PCDHGA7: variants seen among roughly 807,000 people sequenced by gnomAD.
The protein encoded by PCDHGA7 is protocadherin gamma subfamily A, 7.
Under a neutral mutation model 58.3 loss-of-function variants are expected in PCDHGA7, and 44 were observed. The ratio of observed to expected loss-of-function variants is 0.75; its 90% CI spans 0.59 to 0.97. The LOEUF (loss-of-function observed/expected upper bound fraction) is 0.97, where lower values mean the gene tolerates loss of function less well. Ranked by LOEUF, PCDHGA7 falls within the 50% of genes least tolerant of loss-of-function variation. The pLI, the probability that PCDHGA7 is intolerant of heterozygous loss-of-function variation, is 0.00. For synonymous variants in PCDHGA7, 516 were observed against 504.2 expected (o/e 1.02, Z -0.31); for missense variants, 1,266 against 1,188.7 (o/e 1.06, Z -0.96).
At position 141,432,299 on chromosome 5, in the gene PCDHGA7, C is replaced by G; in HGVS notation, c.2424+46976C>G. ...GTCCATCAACTCCGACACTGGGGTA[C>G]TGTATGCGCTGAGCTCCTTCGACTA... is the stretch of plus-strand genomic sequence containing the variant. On this transcript the variant is annotated intron_variant, in intron 1 of 3. Transcript: ENST00000518325. This position sits in a 1 kb window ranked among gnomAD's most constrained non-coding sequence, Gnocchi z 6.0. The G allele has an allele frequency of 2.5e-6, 4 of 1,614,278 alleles. No homozygotes were observed. The highest frequency in any genetic ancestry group is 3.4e-6 in the Non-Finnish European group (4 of 1,180,056).
chr5:141,498,976 G>A (rs1311505059), intron 2 of PCDHGA7, among the ~76,000 whole-genome samples: 1 of 13,010 alleles, frequency 7.7e-5, no homozygotes, highest in Non-Finnish European at 2.3e-4. Context: ...AGGGAGGGAA[G>A]GAAGGAAGGA....
intron 1 of PCDHGA7, chr5:141,414,939 C>T (rs773327918): frequency 2.5e-6 from 4 of 1,614,090 alleles, no homozygotes; most frequent in Admixed American, 1.7e-5. Context: ...CCGCAGAGCC[C>T]GGCTACCTGG....
Position 141,384,064 on chromosome 5 carries a change from A to G in PCDHGA7, c.1165A>G (p.Asn389Asp). ...TGAGGTGACCTGCACCATTCCAGAA[A>G]ACCTACCTTTTAAATTAGAAAAATC... Reference protein sequence around the residue: ...NGEVTCTIPENLPFKLEKSID... With the variant: ...NGEVTCTIPEDLPFKLEKSID... Residue 389 changes from asparagine (N) to aspartate (D), a missense_variant, in exon 1 of 4, where the codon AAC becomes GAC. Physicochemically the swap from Asn to Asp is conservative, Grantham distance 23. Coordinates refer to ENST00000518325, the MANE Select transcript of PCDHGA7 (RefSeq NM_018920.4). 13 of 1,607,984 alleles carry G rather than the reference A, an allele frequency of 8.1e-6. No individual in the cohort carries two copies. The highest frequency in any genetic ancestry group is 1.1e-5 in the Non-Finnish European group (13 of 1,176,666).
In PCDHGA7 at chr5:141,454,796, ATTTTT is replaced by A. The variant is rs61612330; in HGVS notation, c.2425-39986_2425-39982del. Among the ~76,000 whole-genome samples the A allele has an allele frequency of 4.9e-3, 378 of 77,354 alleles. 2 individuals carry two copies. Among genetic ancestry groups the A allele is most frequent in the Admixed American group, 9.2e-3 (51 of 5,544 alleles). 50.7% of individuals were successfully genotyped at this position (77,354 alleles called of 152,430 possible). On this transcript the variant is annotated intron_variant, in intron 1 of 3. Coordinates refer to ENST00000518325, the MANE Select transcript of PCDHGA7 (RefSeq NM_018920.4). ...AAGGAAATAATCCTCCATGGTTCTA[ATTTTT>A]TTTTTTTTTTTTTTTTTTTTTTTTG...
chr5:141,447,538 T>C (rs954291961), intron 1 of PCDHGA7, among the ~76,000 whole-genome samples: 4 of 152,204 alleles, frequency 2.6e-5, no homozygotes, highest in Admixed American at 2.6e-4. Context: ...TTGTTGGGTT[T>C]TAATGTTATG....
intron 2 of PCDHGA7, among the ~76,000 whole-genome samples, chr5:141,504,268 T>A (rs539485141): frequency 2.2e-4 from 34 of 152,348 alleles, no homozygotes; most frequent in Admixed American, 1.3e-3. Context: ...AGTATTTTTT[T>A]AAATTATGAA....
intron 1 of PCDHGA7, chr5:141,402,800 C>A: frequency 9.3e-7 from 1 of 1,072,728 alleles, no homozygotes; most frequent in Non-Finnish European, 1.3e-6. Flanking sequence ...ACACAAAACC[C>A]GGCAGATACC....
chr5:141,389,845 C>T, intron 1 of PCDHGA7: 1 of 1,614,054 alleles, frequency 6.2e-7, no homozygotes. Context: ...CCACTCTCGG[C>T]CACTGCCACG....
Position 141,486,786 on chromosome 5 carries a change from G to A in PCDHGA7, c.2425-8021G>A, listed in dbSNP as rs1360545946. The A allele has an allele frequency of 1.9e-6, 3 of 1,614,090 alleles. No individual in the cohort carries two copies. The highest frequency in any genetic ancestry group is 2.2e-5 in the East Asian group (1 of 44,892). ...ACACTGCAGTTTGAGGTGCAGGCCC[G>A]GGATCGGGGCAACCCACCCCTTAGC... is the stretch of plus-strand genomic sequence containing the variant. On this transcript the variant is annotated intron_variant, in intron 1 of 3. Coordinates refer to ENST00000518325, the MANE Select transcript of PCDHGA7 (RefSeq NM_018920.4). This position sits in a 1 kb window ranked among gnomAD's most constrained non-coding sequence, Gnocchi z 5.0.
At chr5:141,474,447 G>A (rs1263877262) in intron 1 of PCDHGA7, among the ~76,000 whole-genome samples, 1 of 152,218 alleles carries the variant, frequency 6.6e-6, no homozygotes, top group Non-Finnish European at 1.5e-5. Flanking sequence ...AGTAGCAAGT[G>A]ATTGGGCTAT....
intron 1 of PCDHGA7, among the ~76,000 whole-genome samples, chr5:141,453,061 T>G (rs1351911724): frequency 6.6e-6 from 1 of 152,102 alleles, no homozygotes; most frequent in Non-Finnish European, 1.5e-5. Context: ...AGTTTTAGAG[T>G]TTTGCCACAC....
intron 1 of PCDHGA7, among the ~76,000 whole-genome samples, chr5:141,437,987 C>T (rs2097922147): frequency 1.3e-5 from 2 of 152,156 alleles, no homozygotes; most frequent in African/African-American, 2.4e-5. Flanking sequence ...GCACCCACCC[C>T]ACCTCAGCCT....
chr5:141,470,452 G>A (rs981528762), intron 1 of PCDHGA7, among the ~76,000 whole-genome samples: 1 of 152,130 alleles, frequency 6.6e-6, no homozygotes, highest in Admixed American at 6.5e-5. Flanking sequence ...ATAGCATCTT[G>A]AATAGGATTT....
intron 1 of PCDHGA7, chr5:141,387,909 G>C (rs1383616266): frequency 8.0e-6 from 12 of 1,498,886 alleles, no homozygotes; most frequent in Non-Finnish European, 1.1e-5. Flanking sequence ...CGGGGAGCTG[G>C]GCCGGGCTGA....
intron 1 of PCDHGA7, among the ~76,000 whole-genome samples, chr5:141,444,199 T>C (rs2098425653): frequency 7.4e-6 from 1 of 134,516 alleles, no homozygotes; most frequent in African/African-American, 2.9e-5. Context: ...GAGATGGAGT[T>C]TCACTCTTGT....
Position 141,477,918 on chromosome 5 carries a change from G to A in PCDHGA7, c.2425-16889G>A. 1 of 1,614,154 alleles carries A rather than the reference G, an allele frequency of 6.2e-7. No individual in the cohort carries two copies. Among genetic ancestry groups the A allele is most frequent in the Admixed American group, 1.7e-5 (1 of 60,026 alleles). ...GTGGTAGGCTGGGACGCGGATGCAG[G>A]GCACAATGCCTGGCTCTCCTACAGT... is the stretch of plus-strand genomic sequence containing the variant. On this transcript the variant is annotated intron_variant, in intron 1 of 3. Coordinates refer to ENST00000518325, the MANE Select transcript of PCDHGA7 (RefSeq NM_018920.4). The surrounding 1 kb of genome is among the most constrained non-coding windows in gnomAD (Gnocchi z 4.9).
chr5:141,432,969 C>T lies in PCDHGA7; in HGVS notation c.2424+47646C>T, dbSNP rs754836894. On this transcript the variant is annotated intron_variant, in intron 1 of 3. Coordinates refer to ENST00000518325, the MANE Select transcript of PCDHGA7 (RefSeq NM_018920.4). The surrounding 1 kb of genome is among the most constrained non-coding windows in gnomAD (Gnocchi z 6.0). ...GGAGGCGGCTTGACAGGAGCGCCGG[C>T]GTCGCACTTTGTGGGCGTGGACGGG... The T allele has an allele frequency of 3.7e-6, 6 of 1,614,030 alleles. No individual in the cohort carries two copies. In the African/African-American group the frequency reaches 8.0e-5, roughly 22 times the overall value.
chr5:141,432,642 C>T lies in PCDHGA7; in HGVS notation c.2424+47319C>T, dbSNP rs746251093. 7.4e-6 allele frequency: 12 copies of T among 1,613,784 alleles called. No individual in the cohort carries two copies. The highest frequency in any genetic ancestry group is 2.7e-5 in the African/African-American group (2 of 75,056). ...GGTCTGCACACGGGCGAGGTGCGCA[C>T]GGCGCGAGCCCTGCTGGACAGAGAC... On this transcript the variant is annotated intron_variant, in intron 1 of 3. Coordinates refer to ENST00000518325, the MANE Select transcript of PCDHGA7 (RefSeq NM_018920.4). This position sits in a 1 kb window ranked among gnomAD's most constrained non-coding sequence, Gnocchi z 6.0.
At chr5:141,413,344 G>A in intron 1 of PCDHGA7, 1 of 1,613,986 alleles carries the variant, frequency 6.2e-7, no homozygotes. Context: ...CAAGGACTTG[G>A]GTCTGGCGCC....
Sources: gnomAD v4.1 joint callset for allele counts (sites outside exome capture counted in the v4.1 genomes callset) on GRCh38, gnomAD v4.1.1 for gene constraint, Gnocchi (gnomAD v3.1) non-coding constraint, MANE v1.5 for transcripts, NCBI Gene and HGNC (gene_info 2026-07-23, HGNC 2026-07-21) for gene names.